Variants in CNTNAP2 observed in about 807,000 individuals in gnomAD.
CNTNAP2 encodes the protein contactin-associated protein-like 2.
Under a neutral mutation model 155.2 loss-of-function variants are expected in CNTNAP2, and 98 were observed. The observed-to-expected ratio is 0.63, with a 90% CI of 0.54 to 0.75. The LOEUF is 0.75. Among genes scored for constraint, CNTNAP2 ranks in the 30% least tolerant of loss-of-function variants. The pLI is 0.00. For synonymous variants in CNTNAP2, 651 were observed against 631.2 expected, an observed-to-expected ratio of 1.03 and a Z score of -0.47; for missense variants, 1,727 against 1,688.1, an observed-to-expected ratio of 1.02 and a Z score of -0.40.
chr7:146,671,898 C>T (rs1330781595), intron 1 of CNTNAP2, among the ~76,000 whole-genome samples: 2 of 151,990 alleles, frequency 1.3e-5, no homozygotes, highest in East Asian at 3.9e-4. Context: ...TCACTGCAAC[C>T]TCCGCCGCCT....
chr7:146,425,653 A>C (rs1312075090), intron 1 of CNTNAP2, among the ~76,000 whole-genome samples: 2 of 152,186 alleles, frequency 1.3e-5, no homozygotes, highest in Non-Finnish European at 2.9e-5. Flanking sequence ...TGATGAAGGA[A>C]TTGAAATGCC....
At chr7:147,383,104 C>T (rs1029832965) in intron 9 of CNTNAP2, among the ~76,000 whole-genome samples, 1 of 152,062 alleles carries the variant, frequency 6.6e-6, no homozygotes, top group Non-Finnish European at 1.5e-5. Context: ...AAAAGTGATA[C>T]TTAATATTAC....
intron 12 of CNTNAP2, among the ~76,000 whole-genome samples, chr7:147,630,407 G>A (rs1044077772): frequency 2.0e-5 from 3 of 149,266 alleles, no homozygotes; most frequent in Non-Finnish European, 4.4e-5. Context: ...AAGAAGAATC[G>A]ACACCAATCT....
intron 3 of CNTNAP2, among the ~76,000 whole-genome samples, chr7:146,843,242 G>A (rs1585118375): frequency 7.0e-6 from 1 of 143,746 alleles, no homozygotes; most frequent in South Asian, 2.2e-4. Context: ...TCGATCTCCT[G>A]ACCTCATGAT....
chr7:148,106,545 G>A (rs1804227659), intron 15 of CNTNAP2, among the ~76,000 whole-genome samples: 1 of 133,630 alleles, frequency 7.5e-6, no homozygotes, highest in Admixed American at 7.3e-5. Flanking sequence ...CTAATAAATA[G>A]AGACGAGGTC....
intron 3 of CNTNAP2, among the ~76,000 whole-genome samples, chr7:146,893,417 A>G (rs1795817807): frequency 1.3e-5 from 2 of 151,564 alleles, no homozygotes; most frequent in East Asian, 1.9e-4. Context: ...ATATACATAT[A>G]TGTATATATA....
chr7:146,252,805 C>T (rs1448718911), intron 1 of CNTNAP2, among the ~76,000 whole-genome samples: 1 of 152,152 alleles, frequency 6.6e-6, no homozygotes, highest in Non-Finnish European at 1.5e-5. Flanking sequence ...ACGGGATAGA[C>T]ACATGCTTAT....
chr7:148,192,803 TCA>T (rs1009980068), intron 18 of CNTNAP2, among the ~76,000 whole-genome samples: 2 of 152,216 alleles, frequency 1.3e-5, no homozygotes, highest in African/African-American at 4.8e-5. Context: ...TAGCTCTATT[TCA>T]GTTTCTTCAT....
At chr7:146,830,568 A>C (rs1803490668) in intron 2 of CNTNAP2, among the ~76,000 whole-genome samples, 1 of 152,154 alleles carries the variant, frequency 6.6e-6, no homozygotes, top group South Asian at 2.1e-4. Flanking sequence ...TTAACCCTGT[A>C]TATTATTTCA....
intron 3 of CNTNAP2, among the ~76,000 whole-genome samples, chr7:146,889,117 A>T (rs1230679821): frequency 6.6e-6 from 1 of 152,096 alleles, no homozygotes; most frequent in Non-Finnish European, 1.5e-5. Context: ...TTATCCCTAA[A>T]CTCATTGCAT....
rs79071425 is a variant in CNTNAP2, at chr7:146,690,461, C to T, written c.98-83810C>T. ...GGCTACAGTTTGCTCACAGTGGTCA[C>T]AAGTCTATTGAAACATGAATCTTAT... On this transcript the variant is annotated intron_variant, in intron 1 of 23. Coordinates refer to ENST00000361727, the MANE Select transcript of CNTNAP2 (RefSeq NM_014141.6). 3.2e-3 allele frequency among the ~76,000 whole-genome samples: 494 copies of T among 152,272 alleles called. 4 individuals are homozygous for T. In the East Asian group the frequency reaches 0.038, roughly 12 times the overall value.
intron 1 of CNTNAP2, among the ~76,000 whole-genome samples, chr7:146,418,278 G>A (rs1563076424): frequency 6.6e-6 from 1 of 152,038 alleles, no homozygotes; most frequent in Non-Finnish European, 1.5e-5. Flanking sequence ...TGTTTCACTC[G>A]GCCACAAATT....
At chr7:148,102,939 T>C (rs1238166577) in intron 15 of CNTNAP2, among the ~76,000 whole-genome samples, 1 of 152,204 alleles carries the variant, frequency 6.6e-6, no homozygotes, top group Non-Finnish European at 1.5e-5. Flanking sequence ...AGCTTGGTTT[T>C]ATACATTTTA....
chr7:148,216,471 G>A (rs1795639846), intron 18 of CNTNAP2, among the ~76,000 whole-genome samples: 1 of 150,368 alleles, frequency 6.7e-6, no homozygotes, highest in Non-Finnish European at 1.5e-5. Context: ...AAGTCTCTAA[G>A]GACGTAGGGC....
chr7:147,671,301 A>G (rs1339278700), intron 13 of CNTNAP2, among the ~76,000 whole-genome samples: 1 of 152,178 alleles, frequency 6.6e-6, no homozygotes, highest in Non-Finnish European at 1.5e-5. Context: ...TTCCATATGG[A>G]GCTAGTGCTT....
intron 8 of CNTNAP2, among the ~76,000 whole-genome samples, chr7:147,272,293 T>G (rs1344297669): frequency 2.6e-5 from 4 of 152,178 alleles, no homozygotes; most frequent in African/African-American, 4.8e-5. Flanking sequence ...CCCGACTCCC[T>G]TACATAATGT....
At chr7:146,396,638 A>AAGTTTGG (rs1795631439) in intron 1 of CNTNAP2, among the ~76,000 whole-genome samples, 1 of 151,796 alleles carries the variant, frequency 6.6e-6, no homozygotes, top group East Asian at 1.9e-4. Flanking sequence ...ATTATTACAC[A>AAGTTTGG]AACATTTTGC....
intron 1 of CNTNAP2, among the ~76,000 whole-genome samples, chr7:146,652,914 T>C (rs1799940904): frequency 6.6e-6 from 1 of 152,148 alleles, no homozygotes; most frequent in Admixed American, 6.6e-5. Context: ...CTATCTTGCT[T>C]CCATCCAGAG....
intron 1 of CNTNAP2, among the ~76,000 whole-genome samples, chr7:146,153,750 T>C (rs1160771138): frequency 6.6e-6 from 1 of 152,200 alleles, no homozygotes; most frequent in East Asian, 1.9e-4. Context: ...TAGTTTCTTC[T>C]GGTTAATCTC....
Sources: allele counts gnomAD v4.1 joint callset (sites outside exome capture counted in the v4.1 genomes callset), GRCh38; gene constraint gnomAD v4.1.1; transcripts MANE v1.5; gene names NCBI Gene and HGNC (gene_info 2026-07-23, HGNC 2026-07-21).